The following CRLS1 variants were observed in gnomAD, a reference collection of about 807,000 sequenced individuals.
The protein encoded by CRLS1 is cardiolipin synthase (CMP-forming).
CRLS1 carries 24 observed loss-of-function variants against 37.0 expected under a neutral mutation model. The ratio of observed to expected loss-of-function variants is 0.65; its 90% CI spans 0.47 to 0.91. CRLS1 has a LOEUF of 0.91. CRLS1 is among the 40% of genes least tolerant of loss of function. The probability of loss-of-function intolerance (pLI) is 0.00; values close to 1 mark genes in which losing one functional copy is unlikely to be tolerated. For missense variants in CRLS1, 373 were observed against 395.8 expected (o/e 0.94, Z 0.49); for synonymous variants, 135 against 159.7 (o/e 0.85, Z 1.17).
At chr20:6,029,558 C>A (rs1199455051) in intron 3 of CRLS1, among the ~76,000 whole-genome samples, 2 of 152,016 alleles carry the variant, frequency 1.3e-5, no homozygotes, top group African/African-American at 4.8e-5. Context: ...GGGGCTTCTC[C>A]GTGTTGGTCA....
At chr20:6,011,656 G>T (rs1188684649) in intron 2 of CRLS1, among the ~76,000 whole-genome samples, 1 of 135,246 alleles carries the variant, frequency 7.4e-6, no homozygotes, top group Non-Finnish European at 1.5e-5. Flanking sequence ...CGTGATGTCG[G>T]CTCACTGCAG....
At chr20:6,029,313 C>G (rs1963162764) in intron 3 of CRLS1, among the ~76,000 whole-genome samples, 2 of 151,496 alleles carry the variant, frequency 1.3e-5, no homozygotes, top group Non-Finnish European at 2.9e-5. Context: ...GCATGTTCTT[C>G]CATGCATACT....
At chr20:6,032,207 T>A in intron 5 of CRLS1, 127 bp downstream of exon 5, 1 of 699,768 alleles carries the variant, frequency 1.4e-6, no homozygotes, top group Non-Finnish European at 2.4e-6. Flanking sequence ...GGCTAGAGAG[T>A]AGCGTTGGGC....
rs1406714281 is a variant in CRLS1 at position 6,038,810 on chromosome 20, G to A, written c.*1652G>A. 1.6e-4 allele frequency: 24 copies of A among 152,186 alleles called. No individual in the cohort carries two copies. The highest frequency in any genetic ancestry group is 1.4e-3 in the Admixed American group (22 of 15,290). 9.4% of individuals were successfully genotyped at this position (152,186 alleles called of 1,614,324 possible). On this transcript the variant is annotated 3_prime_UTR_variant, in exon 7 of 7. Transcript: ENST00000378863. Reference sequence around the variant, plus strand: ...TTATGGTTTAGTGTTGATGCCATTTGGAGTGACCTATGGGTTGGACCCATA... The same window carrying A: ...TTATGGTTTAGTGTTGATGCCATTTAGAGTGACCTATGGGTTGGACCCATA...
At chr20:6,032,197 G>C in intron 5 of CRLS1, 117 bp downstream of exon 5, 1 of 787,608 alleles carries the variant, frequency 1.3e-6, no homozygotes, top group Non-Finnish European at 2.1e-6. Flanking sequence ...TGAGTATAGA[G>C]GCTAGAGAGT....
At chr20:6,026,873 C>T (rs567942668) in intron 3 of CRLS1, among the ~76,000 whole-genome samples, 1 of 152,050 alleles carries the variant, frequency 6.6e-6, no homozygotes, top group South Asian at 2.1e-4. Context: ...ACTCCAGTGC[C>T]CCTTGGTTCA....
intron 1 of CRLS1, chr20:6,006,758 A>G: frequency 1.0e-6 from 1 of 985,384 alleles, no homozygotes; most frequent in Non-Finnish European, 1.2e-6. Context: ...TCTGTGGTCA[A>G]GTTAGAAATC....
At position 6,013,464 on chromosome 20, in the gene CRLS1, G is replaced by A. The variant is rs575803300; in HGVS notation, c.445-1897G>A. ...GAAGAAGGGAGGCAGGTCACAGAAGGTGAGAGGGCATGGGAACGGATGAAG... is the reference window on the plus strand; with the variant it reads ...GAAGAAGGGAGGCAGGTCACAGAAGATGAGAGGGCATGGGAACGGATGAAG... On this transcript the variant is annotated intron_variant, in intron 2 of 6. Coordinates refer to ENST00000378863, the MANE Select transcript of CRLS1 (RefSeq NM_019095.6). Among the ~76,000 whole-genome samples the A allele has an allele frequency of 1.4e-4, 21 of 152,252 alleles. No homozygotes were observed. In the South Asian group the frequency reaches 4.4e-3, roughly 32 times the overall value.
chr20:6,017,060 C>T (rs1209913419), intron 3 of CRLS1, among the ~76,000 whole-genome samples: 1 of 151,940 alleles, frequency 6.6e-6, no homozygotes, highest in Non-Finnish European at 1.5e-5. Context: ...GGTGCAATCT[C>T]AGCTCATTGC....
At chr20:6,011,572 CTTTT>C (rs559511975) in intron 2 of CRLS1, among the ~76,000 whole-genome samples, 515 of 27,706 alleles carry the variant, frequency 0.019, 6 homozygotes, top group African/African-American at 0.048. Flanking sequence ...TTTGTCCCTG[CTTTT>C]TTTTTTTTTT....
At position 6,033,070 on chromosome 20, in the gene CRLS1, C is replaced by CATTTT. The variant is rs1210073488; in HGVS notation, c.729+1003_729+1007dup. Among the ~76,000 whole-genome samples, 4 of 150,508 alleles carry CATTTT rather than the reference C, an allele frequency of 2.7e-5. No individual in the cohort carries two copies. In the East Asian group the frequency reaches 7.8e-4, roughly 29 times the overall value. On this transcript the variant is annotated intron_variant, in intron 5 of 6. Transcript: ENST00000378863. Reference sequence around the variant, plus strand: ...TAGGAAGCCCTTAGGATAAAATTTACATTTTATTTTATTTTATATTTTATA... The same window carrying CATTTT: ...TAGGAAGCCCTTAGGATAAAATTTACATTTTATTTTATTTTATTTTATATTTTATA...
chr20:6,012,408 G>C (rs1978395291), intron 2 of CRLS1, among the ~76,000 whole-genome samples: 1 of 152,156 alleles, frequency 6.6e-6, no homozygotes, highest in Non-Finnish European at 1.5e-5. Context: ...TTAGACTGGG[G>C]TTGGAGTTTG....
intron 3 of CRLS1, among the ~76,000 whole-genome samples, chr20:6,020,433 C>A (rs1979159320): frequency 6.6e-6 from 1 of 151,780 alleles, no homozygotes; most frequent in East Asian, 1.9e-4. Context: ...TTTTAGTTAC[C>A]TTTTTGTTAC....
intron 5 of CRLS1, among the ~76,000 whole-genome samples, chr20:6,033,422 C>T (rs1980328340): frequency 6.6e-6 from 1 of 152,188 alleles, no homozygotes; most frequent in Non-Finnish European, 1.5e-5. Flanking sequence ...AGGCGTGAGC[C>T]ACTGCGCCTG....
chr20:6,005,992 C>G (rs138527607), upstream of CRLS1: 809 of 324,506 alleles, frequency 2.5e-3, 21 homozygotes, highest in East Asian at 0.038. Flanking sequence ...GAGCCTGATG[C>G]GCGCGCCTCC....
intron 3 of CRLS1, among the ~76,000 whole-genome samples, chr20:6,025,335 G>A (rs1457294159): frequency 4.6e-5 from 7 of 152,144 alleles, no homozygotes; most frequent in African/African-American, 1.7e-4. Context: ...AAATGGAATA[G>A]CAAAGCACGA....
intron 6 of CRLS1, 55 bp from the exon 7 acceptor site, chr20:6,037,019 T>C (rs1034113823): frequency 8.2e-6 from 10 of 1,216,104 alleles, no homozygotes; most frequent in Admixed American, 3.5e-5. Context: ...TGATTCCCGT[T>C]GCTACTATTT....
chr20:6,020,296 C>G (rs1345772189), intron 3 of CRLS1, among the ~76,000 whole-genome samples: 2 of 152,118 alleles, frequency 1.3e-5, no homozygotes, highest in Non-Finnish European at 2.9e-5. Context: ...CATTGCATCT[C>G]CTATGTTGGT....
intron 4 of CRLS1, among the ~76,000 whole-genome samples, 156 bp from the exon 5 acceptor site, chr20:6,031,856 C>T (rs1432736772): frequency 2.6e-5 from 4 of 152,040 alleles, no homozygotes; most frequent in Non-Finnish European, 5.9e-5. Flanking sequence ...ATTGAAAAAT[C>T]TATACATTTT....
Sources: allele counts gnomAD v4.1 joint callset (sites outside exome capture counted in the v4.1 genomes callset), GRCh38; gene constraint gnomAD v4.1.1; transcripts MANE v1.5; gene names NCBI Gene and HGNC (gene_info 2026-07-23, HGNC 2026-07-21).